PPP2R2C: variants seen among roughly 807,000 people sequenced by gnomAD.
PPP2R2C encodes protein phosphatase 2 regulatory subunit Bgamma, also known as protein phosphatase 2, regulatory subunit B, gamma.
A neutral mutation model predicts 45.3 loss-of-function variants in PPP2R2C; 10 were observed. The observed-to-expected ratio is 0.22, with a 90% confidence interval of 0.14 to 0.37. PPP2R2C has a LOEUF of 0.37. Among genes scored for constraint, PPP2R2C ranks in the 10% least tolerant of loss-of-function variants. The probability of loss-of-function intolerance (pLI) is 1.00; values close to 1 mark genes in which losing one functional copy is unlikely to be tolerated. For missense variants in PPP2R2C, 308 were observed against 619.7 expected (o/e 0.50, Z 5.34); for synonymous variants, 257 against 245.4 (o/e 1.05, Z -0.44).
chr4:6,493,201 T>TGCCATCCACCCACCC (rs1036487257), intron 2 of PPP2R2C, among the ~76,000 whole-genome samples: 7 of 152,062 alleles, frequency 4.6e-5, no homozygotes, highest in Non-Finnish European at 8.8e-5. Flanking sequence ...CCAGCACGCC[T>TGCCATCCACCCACCC]GCCATCCACC....
intron 2 of PPP2R2C, among the ~76,000 whole-genome samples, chr4:6,487,286 T>C (rs1367936528): frequency 6.6e-6 from 1 of 151,864 alleles, no homozygotes; most frequent in Non-Finnish European, 1.5e-5. Flanking sequence ...ATCCGACCTA[T>C]GTAGTTACTA....
chr4:6,359,786 C>A (rs1713566253), intron 5 of PPP2R2C, among the ~76,000 whole-genome samples: 2 of 152,174 alleles, frequency 1.3e-5, no homozygotes, highest in Admixed American at 1.3e-4. Context: ...CAGTCTGCCC[C>A]CCGGTCGTCC....
At position 6,384,632 on chromosome 4, in the gene PPP2R2C, A is replaced by G. The variant is rs146327961; in HGVS notation, c.71-3538T>C. ...AATGCTATTAAATTAAAATGCCAAT[A>G]TAACTATTGCTATCCCAAGTAAATG... On this transcript the variant is annotated intron_variant, in intron 1 of 8. Coordinates refer to ENST00000382599, the MANE Select transcript of PPP2R2C (RefSeq NM_020416.4). 27 of 985,470 alleles carry G rather than the reference A, an allele frequency of 2.7e-5. No individual in the cohort carries two copies. The East Asian group carries it at 2.4e-3, about 87-fold the overall frequency. The allele number at this position is 985,470 out of a possible 1,614,324, so 61.0% of individuals were successfully genotyped here.
chr4:6,406,764 A>T (rs1717823011), intron 1 of PPP2R2C, among the ~76,000 whole-genome samples: 1 of 152,178 alleles, frequency 6.6e-6, no homozygotes, highest in Admixed American at 6.6e-5. Flanking sequence ...CTCAAAAATA[A>T]ATAAATACAT....
chr4:6,408,783 G>A (rs1171217337), intron 1 of PPP2R2C, among the ~76,000 whole-genome samples: 1 of 151,936 alleles, frequency 6.6e-6, no homozygotes, highest in Non-Finnish European at 1.5e-5. Context: ...AGAGGCAGTG[G>A]GTAGAGAGAA....
rs1190696018 is a variant in PPP2R2C at position 6,324,535 on chromosome 4, G to A, written c.1053-942C>T. Among the ~76,000 whole-genome samples the A allele has an allele frequency of 6.6e-6, 1 of 152,356 alleles. No homozygotes were observed. Among genetic ancestry groups the A allele is most frequent in the South Asian group, 2.1e-4 (1 of 4,816 alleles). On this transcript the variant is annotated intron_variant, in intron 8 of 8. Coordinates refer to ENST00000382599, the MANE Select transcript of PPP2R2C (RefSeq NM_020416.4). The surrounding 1 kb of genome is among the most constrained non-coding windows in gnomAD (Gnocchi z 4.1). ...ACAGACTGTGCAACCACAGCAGGAGGTAGACATGGAAGCAGCTGGGACAGA... is the reference window on the plus strand; with the variant it reads ...ACAGACTGTGCAACCACAGCAGGAGATAGACATGGAAGCAGCTGGGACAGA...
chr4:6,537,611 T>C (rs1225574355), intron 1 of PPP2R2C, among the ~76,000 whole-genome samples: 1 of 149,156 alleles, frequency 6.7e-6, no homozygotes. Context: ...AGTGCAGTGG[T>C]GCCATCTCGG....
intron 2 of PPP2R2C, among the ~76,000 whole-genome samples, chr4:6,518,772 A>AT (rs1723910475): frequency 6.6e-6 from 1 of 151,876 alleles, no homozygotes; most frequent in Non-Finnish European, 1.5e-5. Flanking sequence ...AAAATACAAA[A>AT]ATTACCCAGG....
intron 2 of PPP2R2C, among the ~76,000 whole-genome samples, chr4:6,532,962 T>C (rs891069233): frequency 3.9e-5 from 6 of 152,224 alleles, no homozygotes; most frequent in African/African-American, 1.4e-4. Flanking sequence ...CAGGGGGTAC[T>C]GCACTTCACA....
chr4:6,356,222 C>T (rs1713175271), intron 5 of PPP2R2C, among the ~76,000 whole-genome samples: 1 of 152,154 alleles, frequency 6.6e-6, no homozygotes, highest in African/African-American at 2.4e-5. Context: ...TTTATATCCC[C>T]CAAACCCCAG....
chr4:6,360,655 A>C (rs1713649144), intron 5 of PPP2R2C, among the ~76,000 whole-genome samples: 1 of 152,218 alleles, frequency 6.6e-6, no homozygotes, highest in Non-Finnish European at 1.5e-5. Context: ...TCATCTTGAA[A>C]AACTGCTTTT....
chr4:6,322,267 G>A lies in PPP2R2C; in HGVS notation c.*1035C>T, dbSNP rs745942937. On this transcript the variant is annotated 3_prime_UTR_variant, in exon 9 of 9. Transcript: ENST00000382599. This position sits in a 1 kb window ranked among gnomAD's most constrained non-coding sequence, Gnocchi z 7.8. ...CACCACTGCACGGCACCTGCCATGG[G>A]TGACCTGTGCATCCGCTCAGAGCCT... is the stretch of plus-strand genomic sequence containing the variant. The A allele has an allele frequency of 3.9e-5, 6 of 152,160 alleles. No individual in the cohort carries two copies. The highest frequency in any genetic ancestry group is 8.8e-5 in the Non-Finnish European group (6 of 68,048). 9.4% of individuals were successfully genotyped at this position (152,160 alleles called of 1,614,324 possible). A position where few individuals can be genotyped will look rare whatever the true frequency, so the allele number is the denominator to read the frequency against.
chr4:6,396,595 T>C (rs1162253382), intron 1 of PPP2R2C, among the ~76,000 whole-genome samples: 2 of 152,242 alleles, frequency 1.3e-5, no homozygotes, highest in Non-Finnish European at 2.9e-5. Context: ...CCCCTCACAC[T>C]TGCGTATCAC....
chr4:6,399,835 A>G (rs1717299020), intron 1 of PPP2R2C, among the ~76,000 whole-genome samples: 1 of 152,248 alleles, frequency 6.6e-6, no homozygotes, highest in Admixed American at 6.5e-5. Flanking sequence ...AGTCAAATGC[A>G]GAACGTCCAG....
At chr4:6,389,725 C>T (rs985528805) in intron 1 of PPP2R2C, among the ~76,000 whole-genome samples, 3 of 152,232 alleles carry the variant, frequency 2.0e-5, no homozygotes, top group African/African-American at 7.2e-5. Context: ...TAGCATTTTA[C>T]ACCTATTACT....
rs1491173798 is a variant in PPP2R2C at position 6,337,113 on chromosome 4, T to TAC, written c.791-3383_791-3382insGT. Among the ~76,000 whole-genome samples the TAC allele has an allele frequency of 1.3e-3, 17 of 13,510 alleles. 2 individuals are homozygous for TAC. Among genetic ancestry groups the TAC allele is most frequent in the Non-Finnish European group, 2.1e-3 (17 of 8,290 alleles). The allele number at this position is 13,510 out of a possible 152,430, so 8.9% of individuals were successfully genotyped here. ...ATCTTTGTTTCTGTATGTGTGTGTG[T>TAC]ATATATATATATATATATATATATA... On this transcript the variant is annotated intron_variant, in intron 6 of 8. Coordinates refer to ENST00000382599, the MANE Select transcript of PPP2R2C (RefSeq NM_020416.4).
Position 6,512,671 on chromosome 4 carries a change from GTGGTGGTGATAC to G in PPP2R2C, c.49+22588_49+22599del, listed in dbSNP as rs1188399798. On this transcript the variant is annotated intron_variant, in intron 2 of 9. Transcript: ENST00000506140. The stretch of plus-strand genomic sequence containing the variant: ...GGTGCTGATGGTGGTGGTGGTGGTG[GTGGTGGTGATAC>G]TGGTGGTGGTGATGATGGTGAGAGT... 1.3e-4 allele frequency among the ~76,000 whole-genome samples: 19 copies of G among 149,566 alleles called. No individual in the cohort carries two copies. In the East Asian group the frequency reaches 3.2e-3, roughly 25 times the overall value.
At chr4:6,506,097 G>T (rs1723219951) in intron 2 of PPP2R2C, among the ~76,000 whole-genome samples, 3 of 152,172 alleles carry the variant, frequency 2.0e-5, no homozygotes, top group Admixed American at 2.0e-4. Context: ...CACACCACAT[G>T]ATCCTACTCA....
chr4:6,424,809 C>T (rs914888344), intron 1 of PPP2R2C, among the ~76,000 whole-genome samples: 6 of 152,192 alleles, frequency 3.9e-5, no homozygotes, highest in Non-Finnish European at 8.8e-5. Flanking sequence ...GGACACGTCA[C>T]CTCACTGCTC....
Sources: gnomAD v4.1 joint callset for allele counts (sites outside exome capture counted in the v4.1 genomes callset) on GRCh38, gnomAD v4.1.1 for gene constraint, Gnocchi (gnomAD v3.1) non-coding constraint, MANE v1.5 for transcripts, NCBI Gene and HGNC (gene_info 2026-07-23, HGNC 2026-07-21) for gene names.